Variants in ORC4 observed in about 807,000 individuals in gnomAD.
ORC4 encodes origin recognition complex subunit 4.
Under a neutral mutation model 63.9 loss-of-function variants are expected in ORC4, and 55 were observed. That is an observed-to-expected ratio of 0.86 (90% CI 0.69 to 1.08). The LOEUF (loss-of-function observed/expected upper bound fraction) is 1.08, where lower values mean the gene tolerates loss of function less well. Ranked by LOEUF, ORC4 falls within the 50% of genes least tolerant of loss-of-function variation. ORC4 has a pLI of 0.00. For synonymous variants in ORC4, 150 were observed against 168.5 expected (o/e 0.89, Z 0.85); for missense variants, 511 against 504.4 (o/e 1.01, Z -0.13).
intron 1 of ORC4, among the ~76,000 whole-genome samples, chr2:148,000,856 T>C (rs989911194): frequency 6.6e-6 from 1 of 152,110 alleles, no homozygotes; most frequent in Non-Finnish European, 1.5e-5. Context: ...AATTAAACTA[T>C]CAATGGGAAG....
chr2:147,991,924 T>C (rs938888665), intron 1 of ORC4, among the ~76,000 whole-genome samples: 2 of 152,168 alleles, frequency 1.3e-5, no homozygotes, highest in African/African-American at 2.4e-5. Context: ...TGCAGTAGTG[T>C]TGATGAATGA....
At chr2:148,008,358 G>T (rs904349748) in intron 1 of ORC4, among the ~76,000 whole-genome samples, 1 of 152,092 alleles carries the variant, frequency 6.6e-6, no homozygotes, top group Non-Finnish European at 1.5e-5. Flanking sequence ...TCTTCTTTTA[G>T]AAAATCAAGC....
At chr2:147,974,009 G>A (rs1358979906) in intron 2 of ORC4, among the ~76,000 whole-genome samples, 1 of 152,116 alleles carries the variant, frequency 6.6e-6, no homozygotes, top group African/African-American at 2.4e-5. Flanking sequence ...AACAACCTGA[G>A]GGTGCTATCT....
At chr2:147,987,804 A>G (rs1691310135) in intron 1 of ORC4, among the ~76,000 whole-genome samples, 1 of 152,168 alleles carries the variant, frequency 6.6e-6, no homozygotes, top group Non-Finnish European at 1.5e-5. Context: ...CTGTAATCCC[A>G]GCACTTTGGG....
rs7421968 is a variant in ORC4, at chr2:147,931,896, C to T, written c.*3614G>A. On this transcript the variant is annotated 3_prime_UTR_variant, in exon 14 of 14. Coordinates refer to ENST00000392857, the MANE Select transcript of ORC4 (RefSeq NM_181741.4). The stretch of plus-strand genomic sequence containing the variant: ...GAAGCATTCCCTTTGAAAACTGGCA[C>T]AAGACAGGGATGCCCTCTCTCACCA... 1.3e-5 allele frequency: 2 copies of T among 150,784 alleles called. No individual in the cohort carries two copies. The highest frequency in any genetic ancestry group is 3.0e-5 in the Non-Finnish European group (2 of 67,614). The allele number at this position is 150,784 out of a possible 1,614,324, so 9.3% of individuals were successfully genotyped here. A position where few individuals can be genotyped will look rare whatever the true frequency, so the allele number is the denominator to read the frequency against.
At chr2:147,988,880 G>A (rs999446452) in intron 1 of ORC4, among the ~76,000 whole-genome samples, 11 of 152,000 alleles carry the variant, frequency 7.2e-5, no homozygotes, top group Admixed American at 1.3e-4. Context: ...GTGTTATAGG[G>A]CATTTTGAAA....
At chr2:147,990,431 A>C (rs1044427354) in intron 1 of ORC4, among the ~76,000 whole-genome samples, 13 of 152,210 alleles carry the variant, frequency 8.5e-5, no homozygotes, top group Non-Finnish European at 7.3e-5. Flanking sequence ...GTAAAGATTA[A>C]AATAGAGTTA....
At chr2:148,012,501 C>G (rs1036212984) in intron 1 of ORC4, among the ~76,000 whole-genome samples, 1 of 151,978 alleles carries the variant, frequency 6.6e-6, no homozygotes, top group African/African-American at 2.4e-5. Context: ...AACCATTAGG[C>G]AAAAACTCCA....
intron 2 of ORC4, among the ~76,000 whole-genome samples, 159 bp from the exon 3 acceptor site, chr2:147,973,683 T>A (rs1378081): frequency 1.2e-4 from 18 of 152,318 alleles, no homozygotes; most frequent in Admixed American, 1.2e-3. Flanking sequence ...CATTTTCATA[T>A]GTTAAAAAAT....
intron 1 of ORC4, among the ~76,000 whole-genome samples, chr2:148,014,171 T>A (rs961443878): frequency 6.6e-6 from 1 of 152,106 alleles, no homozygotes; most frequent in African/African-American, 2.4e-5. Context: ...CAGCGAGACC[T>A]CATTTAAAAT....
At position 148,014,978 on chromosome 2, in the gene ORC4, G is replaced by C. The variant is rs532429856; in HGVS notation, c.-18+5655C>G. Among the ~76,000 whole-genome samples the C allele has an allele frequency of 5.3e-5, 8 of 152,124 alleles. No individual in the cohort carries two copies. The East Asian group carries it at 1.5e-3, about 29-fold the overall frequency. On this transcript the variant is annotated intron_variant, in intron 1 of 13. Transcript: ENST00000392857. ...AATTTTCAGCAGGTAACCAGAAACA[G>C]TAAGAATATCACCAATATCTTTAAA...
intron 1 of ORC4, among the ~76,000 whole-genome samples, chr2:148,014,822 T>C (rs1693169413): frequency 6.6e-6 from 1 of 152,156 alleles, no homozygotes; most frequent in African/African-American, 2.4e-5. Context: ...GTAGGCCGTA[T>C]GCAAACATGA....
chr2:147,942,568 C>G (rs1688425155), intron 10 of ORC4, among the ~76,000 whole-genome samples: 1 of 152,048 alleles, frequency 6.6e-6, no homozygotes, highest in African/African-American at 2.4e-5. Flanking sequence ...AAACTCTCAG[C>G]AAGTTACAAA....
At chr2:147,942,216 A>G (rs1688402194) in intron 10 of ORC4, among the ~76,000 whole-genome samples, 1 of 152,154 alleles carries the variant, frequency 6.6e-6, no homozygotes, top group South Asian at 2.1e-4. Flanking sequence ...TTATTCTATT[A>G]TTATTAAAAA....
intron 1 of ORC4, among the ~76,000 whole-genome samples, chr2:148,016,524 C>T (rs1573908791): frequency 2.0e-5 from 3 of 152,324 alleles, no homozygotes; most frequent in East Asian, 3.9e-4. Flanking sequence ...GTTGAACGAA[C>T]TGGGCTACAA....
At chr2:148,012,289 T>C (rs1198768261) in intron 1 of ORC4, among the ~76,000 whole-genome samples, 1 of 152,062 alleles carries the variant, frequency 6.6e-6, no homozygotes, top group African/African-American at 2.4e-5. Flanking sequence ...AGTCCAGAAA[T>C]TAATCTGTGT....
Position 148,016,409 on chromosome 2 carries a change from G to C in ORC4, c.-18+4224C>G, listed in dbSNP as rs558930610. ...AGAAGTATGCTCAGCAAATCAATGA[G>C]ATGCACTTAAAACTGTGATGCCTGC... On this transcript the variant is annotated intron_variant, in intron 1 of 13. Transcript: ENST00000392857. Among the ~76,000 whole-genome samples, 5 of 152,166 alleles carry C rather than the reference G, an allele frequency of 3.3e-5. No homozygotes were observed. The South Asian group carries it at 1.0e-3, about 32-fold the overall frequency.
intron 1 of ORC4, among the ~76,000 whole-genome samples, chr2:148,019,282 T>C (rs555906468): frequency 3.9e-5 from 6 of 152,276 alleles, no homozygotes; most frequent in Admixed American, 6.5e-5. Context: ...CTTTAACTGA[T>C]AGTGTACACC....
chr2:148,009,365 CAACA>C (rs1692815952), intron 1 of ORC4, among the ~76,000 whole-genome samples: 1 of 151,826 alleles, frequency 6.6e-6, no homozygotes, highest in African/African-American at 2.4e-5. Flanking sequence ...CATAGACTAA[CAACA>C]AAAAGACGGA....
Sources: allele counts gnomAD v4.1 joint callset (sites outside exome capture counted in the v4.1 genomes callset), GRCh38; gene constraint gnomAD v4.1.1; transcripts MANE v1.5; gene names NCBI Gene and HGNC (gene_info 2026-07-23, HGNC 2026-07-21).